MAP1B: variants seen among roughly 807,000 people sequenced by gnomAD.
MAP1B encodes the protein microtubule-associated protein 1B.
MAP1B carries 12 observed loss-of-function variants against 176.1 expected under a neutral mutation model. The ratio of observed to expected loss-of-function variants is 0.07; its 90% CI spans 0.04 to 0.11. The LOEUF (loss-of-function observed/expected upper bound fraction) is 0.11. Ranked by LOEUF, MAP1B falls within the 10% of genes least tolerant of loss-of-function variation. The probability of loss-of-function intolerance (pLI) is 1.00; values close to 1 mark genes in which losing one functional copy is unlikely to be tolerated. For missense variants in MAP1B, 2,523 were observed against 2,990.5 expected (o/e 0.84, Z 3.65); for synonymous variants, 1,044 against 1,135.0 (o/e 0.92, Z 1.61).
At chr5:72,128,752 C>T (rs1745672595) in intron 2 of MAP1B, among the ~76,000 whole-genome samples, 1 of 152,188 alleles carries the variant, frequency 6.6e-6, no homozygotes, top group Non-Finnish European at 1.5e-5. Flanking sequence ...GTAATCTTCC[C>T]ACCTCAGCTT....
rs1746193382 is a variant in MAP1B, at chr5:72,154,377, C to T, written c.287-29366C>T. On this transcript the variant is annotated intron_variant, in intron 2 of 6. Transcript: ENST00000296755. ...CTATTGAATGTTTTTGGTCCCATTCCAGTTTACTGTTAACAGCCTCATCTA... is the reference window on the plus strand; with the variant it reads ...CTATTGAATGTTTTTGGTCCCATTCTAGTTTACTGTTAACAGCCTCATCTA... 2.0e-5 allele frequency among the ~76,000 whole-genome samples: 3 copies of T among 152,182 alleles called. No homozygotes were observed. In the South Asian group the frequency reaches 6.2e-4, roughly 32 times the overall value.
At chr5:72,183,021 C>T (rs908502797) in intron 2 of MAP1B, among the ~76,000 whole-genome samples, 9 of 152,176 alleles carry the variant, frequency 5.9e-5, no homozygotes, top group Non-Finnish European at 1.0e-4. Flanking sequence ...GGGGAGTCAG[C>T]GTTGTGGAGC....
intron 2 of MAP1B, among the ~76,000 whole-genome samples, chr5:72,169,809 A>G (rs1480230043): frequency 6.6e-6 from 1 of 152,228 alleles, no homozygotes. Flanking sequence ...ATTGAGCTAT[A>G]TAGTATAGAG....
At position 72,203,690 on chromosome 5, in the gene MAP1B, G is replaced by A. The variant is rs752114880; in HGVS notation, c.7140G>A (p.Val2380=). The change falls in exon 6 of 7, where the codon GTG becomes GTA. Residue 2380 remains valine, a synonymous_variant. Coordinates refer to ENST00000296755, the MANE Select transcript of MAP1B (RefSeq NM_005909.5). ...KNVDVEFFKR[V]RSSYYVVSGN... ...TTGATGTGGAATTTTTCAAGAGAGTGCGGTCTTCCTACTACGTGGTGAGTG... is the reference window on the plus strand; with the variant it reads ...TTGATGTGGAATTTTTCAAGAGAGTACGGTCTTCCTACTACGTGGTGAGTG... 1.2e-6 allele frequency: 2 copies of A among 1,614,100 alleles called. No homozygotes were observed. The highest frequency in any genetic ancestry group is 1.7e-6 in the Non-Finnish European group (2 of 1,179,996).
At position 72,148,078 on chromosome 5, in the gene MAP1B, A is replaced by T. The variant is rs187802073; in HGVS notation, c.286+32279A>T. Reference sequence around the variant, plus strand: ...TTACTCAGTTTATAGCCAATTATCTACATTGATTAAGTATAAATTTCATGA... The same window carrying T: ...TTACTCAGTTTATAGCCAATTATCTTCATTGATTAAGTATAAATTTCATGA... On this transcript the variant is annotated intron_variant, in intron 2 of 6. Coordinates refer to ENST00000296755, the MANE Select transcript of MAP1B (RefSeq NM_005909.5). Among the ~76,000 whole-genome samples the T allele has an allele frequency of 2.1e-3, 321 of 152,350 alleles. 1 individual carries two copies. The highest frequency in any genetic ancestry group is 7.5e-3 in the African/African-American group (310 of 41,578).
chr5:72,121,841 T>A (rs943642469), intron 2 of MAP1B, among the ~76,000 whole-genome samples: 2 of 152,204 alleles, frequency 1.3e-5, no homozygotes, highest in Non-Finnish European at 2.9e-5. Context: ...TCAGCCCTGC[T>A]CCAACCTTTA....
At chr5:72,126,755 A>G (rs1011942985) in intron 2 of MAP1B, among the ~76,000 whole-genome samples, 1 of 152,246 alleles carries the variant, frequency 6.6e-6, no homozygotes, top group Non-Finnish European at 1.5e-5. Flanking sequence ...TGCCTGTCCC[A>G]TCCATGAGTA....
intron 4 of MAP1B, among the ~76,000 whole-genome samples, chr5:72,193,625 G>A (rs1007583690): frequency 6.6e-6 from 1 of 152,128 alleles, no homozygotes; most frequent in African/African-American, 2.4e-5. Context: ...GTGCCAGGGC[G>A]AGTGGGTACT....
chr5:72,198,541 C>T lies in MAP1B; in HGVS notation c.5186C>T (p.Ser1729Phe), dbSNP rs1199901891. Reference protein sequence around the residue: ...ELISVSQVEASPSTSSAHTPS... With the variant: ...ELISVSQVEAFPSTSSAHTPS... ...ATCTCAGTATCTCAGGTAGAGGCCT[C>T]CCCGTCCACCTCTTCTGCTCATACC... The change falls in exon 5 of 7, where the codon TCC (serine) becomes TTC (phenylalanine). Residue 1729 changes from serine to phenylalanine, a missense_variant. Around this residue, in one of 4 missense-constraint regions of MAP1B, gnomAD observed 1,925 missense variants for 2,126.0 expected, o/e 0.91. Coordinates refer to ENST00000296755, the MANE Select transcript of MAP1B (RefSeq NM_005909.5). 1 of 1,614,016 alleles carries T rather than the reference C, an allele frequency of 6.2e-7. No homozygotes were observed. Among genetic ancestry groups the T allele is most frequent in the Non-Finnish European group, 8.5e-7 (1 of 1,180,034 alleles).
intron 4 of MAP1B, among the ~76,000 whole-genome samples, chr5:72,191,146 A>AGTTTGGCCAAGTTTGG (rs1747017289): frequency 1.3e-5 from 2 of 152,276 alleles, no homozygotes; most frequent in South Asian, 4.1e-4. Flanking sequence ...AGTTTGGCAC[A>AGTTTGGCCAAGTTTGG]CAGATCAACA....
At position 72,195,299 on chromosome 5, in the gene MAP1B, C is replaced by G. The variant is rs1207702939; in HGVS notation, c.1944C>G (p.Asp648Glu). 4 of 1,610,338 alleles carry G rather than the reference C, an allele frequency of 2.5e-6. No homozygotes were observed. The highest frequency in any genetic ancestry group is 3.4e-6 in the Non-Finnish European group (4 of 1,179,154). Residue 648 changes from aspartate to glutamate, a missense_variant, in exon 5 of 7, where the codon GAC becomes GAG. Transcript: ENST00000296755. Reference protein sequence around the residue: ...VKKETKVKPEDKKEEKEKPKK... With the variant: ...VKKETKVKPEEKKEEKEKPKK... ...AGGAAACAAAGGTAAAGCCTGAAGA[C>G]AAGAAAGAGGAGAAAGAAAAGCCAA... is the stretch of plus-strand genomic sequence containing the variant.
intron 4 of MAP1B, among the ~76,000 whole-genome samples, chr5:72,187,333 T>C (rs1746930038): frequency 6.6e-6 from 1 of 152,244 alleles, no homozygotes; most frequent in Non-Finnish European, 1.5e-5. Context: ...CGTATCTTAT[T>C]CAAAGATGAC....
rs751340894 is a variant in MAP1B at position 72,196,155 on chromosome 5, G to C, written c.2800G>C (p.Glu934Gln). ...ATTTGAAGATGAAGGAGCCGGTTTT[G>C]AAGAATCTTCAGAGACTGGAGACTA... ...EKFEDEGAGF[E>Q]ESSETGDYEE... Residue 934 changes from glutamate to glutamine, a missense_variant, in exon 5 of 7, where the codon GAA (glutamate) becomes CAA (glutamine). Glu to Gln is a conservative substitution (Grantham distance 29). Around this residue, in one of 4 missense-constraint regions of MAP1B, gnomAD observed 1,925 missense variants for 2,126.0 expected, o/e 0.91. Coordinates refer to ENST00000296755, the MANE Select transcript of MAP1B (RefSeq NM_005909.5). This position sits in a 1 kb window ranked among gnomAD's most constrained non-coding sequence, Gnocchi z 5.3. 1.2e-6 allele frequency: 2 copies of C among 1,613,410 alleles called. No individual in the cohort carries two copies. The highest frequency in any genetic ancestry group is 1.7e-6 in the Non-Finnish European group (2 of 1,179,950).
chr5:72,176,645 G>T (rs1311202269), intron 2 of MAP1B, among the ~76,000 whole-genome samples: 2 of 152,166 alleles, frequency 1.3e-5, no homozygotes, highest in Non-Finnish European at 2.9e-5. Context: ...ATTAGATTTT[G>T]TCACTACCCA....
intron 2 of MAP1B, among the ~76,000 whole-genome samples, chr5:72,150,596 C>T (rs1579996131): frequency 6.6e-6 from 1 of 152,294 alleles, no homozygotes; most frequent in African/African-American, 2.4e-5. Context: ...TATTTCATCA[C>T]CCAGGTGTTA....
chr5:72,181,663 T>A (rs1746768724), intron 2 of MAP1B, among the ~76,000 whole-genome samples: 1 of 151,902 alleles, frequency 6.6e-6, no homozygotes, highest in Non-Finnish European at 1.5e-5. Flanking sequence ...GCTCCATTGA[T>A]TCTCCTGCCT....
rs1747164932 is a variant in MAP1B, at chr5:72,196,283, A to G, written c.2928A>G (p.Glu976=). The G allele has an allele frequency of 6.2e-7, 1 of 1,614,054 alleles. No homozygotes were observed. Reference sequence around the variant, plus strand: ...AGCACAGCCCCACTGAGGATGAGGAAAGTGCCAAGGCGGAGGCTGATGCAT... The same window carrying G: ...AGCACAGCCCCACTGAGGATGAGGAGAGTGCCAAGGCGGAGGCTGATGCAT... ...ASKHSPTEDE[E]SAKAEADAYI... The change falls in exon 5 of 7, where the codon GAA becomes GAG. Residue 976 remains glutamate (E), a synonymous_variant. Transcript: ENST00000296755. The surrounding 1 kb of genome is among the most constrained non-coding windows in gnomAD (Gnocchi z 5.3).
chr5:72,155,761 CTTTTCTTTTTTTTT>C (rs1746217935), intron 2 of MAP1B, among the ~76,000 whole-genome samples: 1 of 131,482 alleles, frequency 7.6e-6, no homozygotes, highest in African/African-American at 2.8e-5. Context: ...GATTGATTTT[CTTTTCTTTTTTTTT>C]TTTTTTTTTG....
In MAP1B at chr5:72,204,474, G is replaced by T. The variant is rs1172152704; in HGVS notation, c.7252-610G>T. ...TTGTGGTTCTGTACAAAATTACCTA[G>T]TAAATTGTGCTTGTATCATATTATA... On this transcript the variant is annotated intron_variant, in intron 6 of 6. Coordinates refer to ENST00000296755, the MANE Select transcript of MAP1B (RefSeq NM_005909.5). This position sits in a 1 kb window ranked among gnomAD's most constrained non-coding sequence, Gnocchi z 4.4. Among the ~76,000 whole-genome samples, 2 of 152,180 alleles carry T rather than the reference G, an allele frequency of 1.3e-5. No individual in the cohort carries two copies. Among genetic ancestry groups the T allele is most frequent in the Admixed American group, 6.5e-5 (1 of 15,282 alleles).
Sources: gnomAD v4.1 joint callset for allele counts (sites outside exome capture counted in the v4.1 genomes callset) on GRCh38, gnomAD v4.1.1 for gene constraint, gnomAD v4.1.1 regional missense constraint, Gnocchi (gnomAD v3.1) non-coding constraint, MANE v1.5 for transcripts, NCBI Gene and HGNC (gene_info 2026-07-23, HGNC 2026-07-21) for gene names.